Variants in TENM3 observed in about 807,000 individuals in gnomAD.
TENM3 encodes the protein teneurin-3.
Under a neutral mutation model 255.1 loss-of-function variants are expected in TENM3, and 63 were observed. That is an observed-to-expected ratio of 0.25 (90% CI 0.20 to 0.30). The LOEUF is 0.30. TENM3 is among the 10% of genes least tolerant of loss of function. The pLI is 1.00. For synonymous variants in TENM3, 1,306 were observed against 1,322.3 expected, an observed-to-expected ratio of 0.99 and a Z score of 0.27; for missense variants, 2,929 against 3,461.1, an observed-to-expected ratio of 0.85 and a Z score of 3.86.
At chr4:181,811,426 A>G in the TENM3 span, among the ~76,000 whole-genome samples, 1 of 152,212 alleles carries the variant, frequency 6.6e-6, no homozygotes, top group Non-Finnish European at 1.5e-5. Flanking sequence ...TTGGCCAAAA[A>G]GTTATTTTGG....
At chr4:182,504,847 C>G (rs75285983) in intron 3 of TENM3, among the ~76,000 whole-genome samples, 5,999 of 152,192 alleles carry the variant, frequency 0.039, 230 homozygotes, top group East Asian at 0.11. Context: ...GTAAATTGTT[C>G]TGCATTGTTT....
intron 3 of TENM3, among the ~76,000 whole-genome samples, chr4:182,510,674 C>T (rs1010375200): frequency 6.6e-6 from 1 of 152,156 alleles, no homozygotes; most frequent in Non-Finnish European, 1.5e-5. Flanking sequence ...TCTTTAGTTA[C>T]TGTAGAGAAT....
chr4:181,967,941 G>A, the TENM3 span, among the ~76,000 whole-genome samples: 2 of 152,098 alleles, frequency 1.3e-5, no homozygotes, highest in African/African-American at 4.8e-5. Flanking sequence ...TTGTTGTGAG[G>A]CTCAAACTCA....
At chr4:182,024,621 C>T in the TENM3 span, among the ~76,000 whole-genome samples, 2 of 152,110 alleles carry the variant, frequency 1.3e-5, no homozygotes, top group Non-Finnish European at 2.9e-5. Context: ...TTGATACAGA[C>T]ATGCAGTGGA....
chr4:182,441,285 C>T (rs548058047), intron 3 of TENM3, among the ~76,000 whole-genome samples: 5 of 152,152 alleles, frequency 3.3e-5, no homozygotes, highest in East Asian at 1.9e-4. Context: ...CCTCTGCCCT[C>T]GTGAGGTTTA....
the TENM3 span, among the ~76,000 whole-genome samples, chr4:181,527,530 G>A: frequency 2.0e-5 from 3 of 151,878 alleles, no homozygotes; most frequent in African/African-American, 7.3e-5. Context: ...CACCACGCCT[G>A]GCTAATTTTT....
intron 16 of TENM3, among the ~76,000 whole-genome samples, chr4:182,731,786 C>CT (rs574747801): frequency 0.1 from 12,858 of 127,570 alleles, 870 homozygotes; most frequent in South Asian, 0.13. Flanking sequence ...TTTCTTTTTT[C>CT]TTTTTTTTTT....
chr4:182,509,843 A>G (rs1014387260), intron 3 of TENM3, among the ~76,000 whole-genome samples: 5 of 152,024 alleles, frequency 3.3e-5, no homozygotes, highest in African/African-American at 9.7e-5. Context: ...AGGCTGAGGC[A>G]AAAGAATCAC....
chr4:181,904,169 G>C, the TENM3 span, among the ~76,000 whole-genome samples: 1 of 151,966 alleles, frequency 6.6e-6, no homozygotes, highest in South Asian at 2.1e-4. Context: ...GCATCCCCAC[G>C]ATCTGACTGT....
chr4:181,568,555 G>T, the TENM3 span, among the ~76,000 whole-genome samples: 1 of 152,078 alleles, frequency 6.6e-6, no homozygotes, highest in African/African-American at 2.4e-5. Context: ...TCTTGCCATT[G>T]CAGACCCTGT....
At chr4:182,463,147 C>CAAG (rs1732218272) in intron 3 of TENM3, among the ~76,000 whole-genome samples, 2 of 152,040 alleles carry the variant, frequency 1.3e-5, no homozygotes, top group Non-Finnish European at 2.9e-5. Context: ...CAAGGGTCAA[C>CAAG]CGTAGTTGAA....
At position 182,626,000 on chromosome 4, in the gene TENM3, GATTTC is replaced by G. The variant is rs574511075; in HGVS notation, c.750-2648_750-2644del. ...AATAATTGACAGCATGAAAAGAAAA[GATTTC>G]ATGACATGGGAAAATTCTATAAAGT... On this transcript the variant is annotated intron_variant, in intron 4 of 27. Coordinates refer to ENST00000511685, the MANE Select transcript of TENM3 (RefSeq NM_001080477.4). Among the ~76,000 whole-genome samples the G allele has an allele frequency of 1.0e-3, 159 of 152,256 alleles. 8 individuals carry two copies. In the South Asian group the frequency reaches 0.031, roughly 29 times the overall value.
the TENM3 span, among the ~76,000 whole-genome samples, chr4:181,523,450 A>T: frequency 1.3e-5 from 2 of 151,952 alleles, no homozygotes. Flanking sequence ...CAGGGGTAAG[A>T]TGAAGACCAA....
the TENM3 span, among the ~76,000 whole-genome samples, chr4:181,496,691 C>T: frequency 3.6e-4 from 55 of 152,244 alleles, 1 homozygote; most frequent in Admixed American, 1.0e-3. Context: ...TATGCACGTG[C>T]CAAATGAATT....
chr4:182,675,368 C>T (rs1367315446), intron 7 of TENM3, among the ~76,000 whole-genome samples: 1 of 151,854 alleles, frequency 6.6e-6, no homozygotes, highest in Non-Finnish European at 1.5e-5. Flanking sequence ...ATGGTGAAAC[C>T]CCATCTCTAC....
At chr4:182,006,651 G>A in the TENM3 span, among the ~76,000 whole-genome samples, 1 of 151,108 alleles carries the variant, frequency 6.6e-6, no homozygotes, top group African/African-American at 2.4e-5. Flanking sequence ...CAAGCTACAT[G>A]TTTTGTTAAT....
At chr4:182,490,336 T>C (rs1735170962) in intron 3 of TENM3, among the ~76,000 whole-genome samples, 1 of 152,178 alleles carries the variant, frequency 6.6e-6, no homozygotes, top group Non-Finnish European at 1.5e-5. Context: ...CCAGCTGAGA[T>C]TGACAGGAGT....
the TENM3 span, among the ~76,000 whole-genome samples, chr4:181,868,290 A>C: frequency 6.6e-6 from 1 of 152,002 alleles, no homozygotes; most frequent in Non-Finnish European, 1.5e-5. Context: ...CAGCATGGCT[A>C]ACCAGGATCA....
the TENM3 span, among the ~76,000 whole-genome samples, chr4:181,456,125 A>ATGTGTG: frequency 0.017 from 1,065 of 62,274 alleles, 10 homozygotes; most frequent in African/African-American, 0.045. Flanking sequence ...ATATATATAT[A>ATGTGTG]TATGTGTGTG....
Sources: gnomAD v4.1 joint callset for allele counts (sites outside exome capture counted in the v4.1 genomes callset) on GRCh38, gnomAD v4.1.1 for gene constraint, MANE v1.5 for transcripts, NCBI Gene and HGNC (gene_info 2026-07-23, HGNC 2026-07-21) for gene names.